The following MACROD2 variants were observed in gnomAD, a reference collection of about 807,000 sequenced individuals.
MACROD2 encodes the protein mono-ADP ribosylhydrolase 2, also known as ADP-ribose glycohydrolase MACROD2.
Under a neutral mutation model 70.4 loss-of-function variants are expected in MACROD2, and 36 were observed. That is an observed-to-expected ratio of 0.51 (90% CI 0.39 to 0.68). The LOEUF (loss-of-function observed/expected upper bound fraction) is 0.68. Ranked by LOEUF, MACROD2 falls within the 30% of genes least tolerant of loss-of-function variation. MACROD2 has a pLI of 0.00. For synonymous variants in MACROD2, 172 were observed against 178.8 expected, an observed-to-expected ratio of 0.96 and a Z score of 0.30; for missense variants, 496 against 538.4, an observed-to-expected ratio of 0.92 and a Z score of 0.78.
chr20:14,158,259 A>G (rs2055132894), intron 3 of MACROD2, among the ~76,000 whole-genome samples: 1 of 152,124 alleles, frequency 6.6e-6, no homozygotes, highest in African/African-American at 2.4e-5. Flanking sequence ...TCCTTTATCC[A>G]CTTTTTAATG....
At chr20:15,990,796 T>C (rs558645325) in intron 15 of MACROD2, among the ~76,000 whole-genome samples, 1 of 152,306 alleles carries the variant, frequency 6.6e-6, no homozygotes, top group African/African-American at 2.4e-5. Flanking sequence ...CCTGTGTGAT[T>C]CCTGGCAATC....
At chr20:14,771,723 C>T (rs983879792) in intron 5 of MACROD2, among the ~76,000 whole-genome samples, 5 of 145,346 alleles carry the variant, frequency 3.4e-5, no homozygotes, top group Admixed American at 1.4e-4. Flanking sequence ...TACACACACA[C>T]GTTATACTTA....
At chr20:15,298,350 A>C (rs949918797) in intron 6 of MACROD2, among the ~76,000 whole-genome samples, 1 of 152,214 alleles carries the variant, frequency 6.6e-6, no homozygotes, top group Non-Finnish European at 1.5e-5. Context: ...CAGGGAGAGC[A>C]ATTCCAGCCG....
chr20:15,105,706 A>G (rs1318391600), intron 5 of MACROD2, among the ~76,000 whole-genome samples: 2 of 152,108 alleles, frequency 1.3e-5, no homozygotes, highest in East Asian at 3.9e-4. Context: ...AACTCCCGGC[A>G]CTAGAGGCAG....
In MACROD2 at chr20:15,266,870, A is replaced by C. The variant is rs562696569; in HGVS notation, c.540+36809A>C. On this transcript the variant is annotated intron_variant, in intron 6 of 17. Coordinates refer to ENST00000684519, the MANE Select transcript of MACROD2 (RefSeq NM_001351661.2). The stretch of plus-strand genomic sequence containing the variant: ...AATAGGGTACTCTGCTTCCGTTTCT[A>C]TGCAAGACATTCATCCAGACGCCCT... 7.9e-5 allele frequency among the ~76,000 whole-genome samples: 12 copies of C among 152,332 alleles called. No individual in the cohort carries two copies. The East Asian group carries it at 1.5e-3, about 20-fold the overall frequency.
chr20:14,022,843 G>A (rs565067369), intron 2 of MACROD2, among the ~76,000 whole-genome samples: 5 of 152,184 alleles, frequency 3.3e-5, no homozygotes, highest in East Asian at 3.9e-4. Context: ...CCACTCTGTC[G>A]TTGATGGGCA....
chr20:15,349,560 C>T (rs888718226), intron 6 of MACROD2, among the ~76,000 whole-genome samples: 2 of 151,636 alleles, frequency 1.3e-5, no homozygotes, highest in Non-Finnish European at 1.5e-5. Flanking sequence ...TTTGAGAACA[C>T]CCTGACCAAC....
At chr20:15,916,183 A>C (rs2065312227) in intron 10 of MACROD2, among the ~76,000 whole-genome samples, 1 of 152,058 alleles carries the variant, frequency 6.6e-6, no homozygotes, top group East Asian at 1.9e-4. Flanking sequence ...CCACCTTCCC[A>C]CACACACCCT....
intron 8 of MACROD2, among the ~76,000 whole-genome samples, chr20:15,626,507 T>C (rs191950866): frequency 1.1e-4 from 17 of 152,328 alleles, no homozygotes; most frequent in Admixed American, 6.5e-4. Context: ...GTCCACTAGG[T>C]GCAAAGCATT....
intron 4 of MACROD2, among the ~76,000 whole-genome samples, chr20:14,594,749 G>A (rs1361961018): frequency 1.3e-5 from 2 of 152,052 alleles, no homozygotes; most frequent in Non-Finnish European, 2.9e-5. Flanking sequence ...AAAATTAGCC[G>A]GGCATGGTAG....
intron 5 of MACROD2, among the ~76,000 whole-genome samples, chr20:15,012,926 A>C (rs973814627): frequency 6.6e-6 from 1 of 152,202 alleles, no homozygotes. Context: ...GCAGAGTCTG[A>C]TCATACACGG....
chr20:15,317,172 A>C (rs527429840), intron 6 of MACROD2, among the ~76,000 whole-genome samples: 51 of 152,066 alleles, frequency 3.4e-4, no homozygotes, highest in Non-Finnish European at 3.2e-4. Context: ...AACTAAGCCC[A>C]AGGCTTGTAT....
chr20:14,009,266 A>AAAACC (rs2052864427), intron 2 of MACROD2, among the ~76,000 whole-genome samples: 1 of 152,242 alleles, frequency 6.6e-6, no homozygotes, highest in South Asian at 2.1e-4. Context: ...TTTACAAGAA[A>AAAACC]AAACCAAACA....
intron 5 of MACROD2, among the ~76,000 whole-genome samples, chr20:14,709,499 C>G (rs796662202): frequency 1.2e-4 from 18 of 152,174 alleles, no homozygotes; most frequent in African/African-American, 4.3e-4. Context: ...ATATCCTGAT[C>G]CAACATATAT....
chr20:14,149,278 C>G (rs541571994), intron 3 of MACROD2, among the ~76,000 whole-genome samples: 1 of 150,956 alleles, frequency 6.6e-6, no homozygotes, highest in East Asian at 2.0e-4. Flanking sequence ...TATGTTAATT[C>G]GCTTAGGATA....
chr20:14,268,960 T>G (rs1313017703), intron 3 of MACROD2, among the ~76,000 whole-genome samples: 1 of 152,174 alleles, frequency 6.6e-6, no homozygotes, highest in African/African-American at 2.4e-5. Context: ...CCAGCAATTA[T>G]CCTACAATTT....
At chr20:15,853,700 G>A (rs187882949) in intron 8 of MACROD2, among the ~76,000 whole-genome samples, 67 of 152,274 alleles carry the variant, frequency 4.4e-4, no homozygotes, top group African/African-American at 1.3e-3. Context: ...ATGAAAAGGA[G>A]TTTAGAAGTG....
chr20:14,599,169 A>C (rs985642084), intron 4 of MACROD2, among the ~76,000 whole-genome samples: 3 of 152,216 alleles, frequency 2.0e-5, no homozygotes, highest in African/African-American at 7.2e-5. Flanking sequence ...AGTAATAAAA[A>C]TATTTTTAAA....
chr20:14,875,446 A>G (rs140942199), intron 5 of MACROD2, among the ~76,000 whole-genome samples: 89 of 152,232 alleles, frequency 5.8e-4, no homozygotes, highest in African/African-American at 1.8e-3. Flanking sequence ...TTATTTTCTC[A>G]AAGTTCCTCT....
Sources: allele counts gnomAD v4.1 joint callset (sites outside exome capture counted in the v4.1 genomes callset), GRCh38; gene constraint gnomAD v4.1.1; transcripts MANE v1.5; gene names NCBI Gene and HGNC (gene_info 2026-07-23, HGNC 2026-07-21).